The following LY75 variants were observed in gnomAD, a reference collection of about 807,000 sequenced individuals.
LY75 encodes lymphocyte antigen 75.
In LY75, 185 loss-of-function variants were observed where a neutral mutation model predicts 231.7. The ratio of observed to expected loss-of-function variants is 0.80; its 90% CI spans 0.71 to 0.90. The LOEUF is 0.90. Ranked by LOEUF, LY75 falls within the 40% of genes least tolerant of loss-of-function variation. LY75 has a pLI of 0.00. For synonymous variants in LY75, 668 were observed against 689.0 expected, an observed-to-expected ratio of 0.97 and a Z score of 0.48; for missense variants, 1,947 against 2,050.2, an observed-to-expected ratio of 0.95 and a Z score of 0.97.
intron 2 of LY75, among the ~76,000 whole-genome samples, chr2:159,897,287 C>T (rs1432184062): frequency 6.6e-6 from 1 of 152,106 alleles, no homozygotes; most frequent in Non-Finnish European, 1.5e-5. Flanking sequence ...CAAGTTAAAT[C>T]CAATTAAAAG....
rs958994197 is a variant in LY75, at chr2:159,803,999, T to C, written c.*1045A>G. 5.3e-5 allele frequency: 8 copies of C among 152,210 alleles called. No homozygotes were observed. Among genetic ancestry groups the C allele is most frequent in the African/African-American group, 1.9e-4 (8 of 41,436 alleles). 9.4% of individuals were successfully genotyped at this position (152,210 alleles called of 1,614,324 possible). A position where few individuals can be genotyped will look rare whatever the true frequency, so the allele number is the denominator to read the frequency against. On this transcript the variant is annotated 3_prime_UTR_variant, in exon 35 of 35. Transcript: ENST00000263636. ...CTTTACAAAAGAAACAGTCATGTAA[T>C]ACATCAGAAAATGCAAAGCACACTG...
chr2:159,827,504 T>C (rs1030926118), intron 28 of LY75, among the ~76,000 whole-genome samples: 1 of 152,200 alleles, frequency 6.6e-6, no homozygotes, highest in African/African-American at 2.4e-5. Flanking sequence ...TTTTACACTG[T>C]TGGTGGGACT....
chr2:159,834,079 G>T lies in LY75; in HGVS notation c.3806C>A (p.Thr1269Lys). ...GCATTTAGTATGAACTTCATCCTGT[G>T]TTGTTGCCATATGCCTATTCTTTGT... ...IITKNRHMAT[T>K]QDEVHTKCQK... is the part of the protein sequence containing the mutation. The change falls in exon 27 of 35, where the codon ACA becomes AAA. Residue 1269 changes from threonine to lysine, a missense_variant. Transcript: ENST00000263636. 6.2e-7 allele frequency: 1 copy of T among 1,613,860 alleles called. No individual in the cohort carries two copies. The highest frequency in any genetic ancestry group is 8.5e-7 in the Non-Finnish European group (1 of 1,179,908).
intron 33 of LY75, 135 bp from the exon 34 acceptor site, chr2:159,807,275 G>GA (rs924284887): frequency 5.4e-6 from 6 of 1,105,182 alleles, no homozygotes; most frequent in South Asian, 3.7e-5. Flanking sequence ...CATTAAAAAT[G>GA]AAAAAAATAA....
chr2:159,866,078 C>CAT (rs1302510363), intron 13 of LY75, among the ~76,000 whole-genome samples: 1 of 151,938 alleles, frequency 6.6e-6, no homozygotes, highest in African/African-American at 2.4e-5. Context: ...TGTGTGTATA[C>CAT]ATATATATAA....
intron 8 of LY75, among the ~76,000 whole-genome samples, chr2:159,879,673 C>T (rs1200474256): frequency 6.6e-6 from 1 of 152,134 alleles, no homozygotes; most frequent in Non-Finnish European, 1.5e-5. Context: ...ACTCAGCCCA[C>T]AGTTCCAGCA....
intron 13 of LY75, among the ~76,000 whole-genome samples, chr2:159,865,564 G>T (rs55804467): frequency 0.24 from 36,625 of 152,034 alleles, 5,831 homozygotes; most frequent in Non-Finnish European, 0.36. Context: ...ATATGAAATA[G>T]AGAGATAAGA....
intron 1 of LY75, among the ~76,000 whole-genome samples, chr2:159,902,039 T>A (rs1459387980): frequency 1.3e-5 from 2 of 152,218 alleles, no homozygotes. Flanking sequence ...AATCCCTTAT[T>A]TAGAAAATTT....
At chr2:159,848,068 GTATATA>G (rs557189751) in intron 23 of LY75, among the ~76,000 whole-genome samples, 43 of 123,904 alleles carry the variant, frequency 3.5e-4, no homozygotes, top group African/African-American at 4.8e-4. Context: ...ATTATGGTGT[GTATATA>G]TATATATATA....
intron 25 of LY75, among the ~76,000 whole-genome samples, chr2:159,840,487 G>A (rs922936204): frequency 2.0e-5 from 3 of 151,928 alleles, no homozygotes; most frequent in Admixed American, 6.6e-5. Context: ...TGGGAGGATC[G>A]CTTGAGCCCG....
intron 19 of LY75, 115 bp from the exon 20 acceptor site, chr2:159,853,467 C>G: frequency 2.0e-6 from 3 of 1,466,268 alleles, no homozygotes; most frequent in Non-Finnish European, 2.8e-6. Context: ...TACTCTATAC[C>G]CCTTTTTTCT....
intron 23 of LY75, among the ~76,000 whole-genome samples, chr2:159,844,916 G>GT (rs1177124153): frequency 2.0e-5 from 3 of 151,582 alleles, no homozygotes; most frequent in Non-Finnish European, 4.4e-5. Flanking sequence ...TTCAACCCAG[G>GT]TCCCCCTCCC....
intron 2 of LY75, 145 bp from the exon 3 acceptor site, chr2:159,894,229 G>A: frequency 1.9e-6 from 2 of 1,042,696 alleles, no homozygotes; most frequent in Non-Finnish European, 2.7e-6. Context: ...GGTGCTGTCA[G>A]GTCTGGATAT....
At position 159,878,705 on chromosome 2, in the gene LY75, C is replaced by T. The variant is rs755054530; in HGVS notation, c.1532G>A (p.Gly511Glu). The T allele has an allele frequency of 6.2e-7, 1 of 1,613,954 alleles. No homozygotes were observed. The highest frequency in any genetic ancestry group is 8.5e-7 in the Non-Finnish European group (1 of 1,179,914). ...CPPDEGWKRH[G>E]ETCYKIYEDE... ...CTCATAAATCTTGTAACAGGTTTCTCCATGTCTCTTCCAGCCCTAAGTCAG... is the reference window on the plus strand; with the variant it reads ...CTCATAAATCTTGTAACAGGTTTCTTCATGTCTCTTCCAGCCCTAAGTCAG... Residue 511 changes from glycine (G) to glutamate (E), a missense_variant, in exon 10 of 35, where the codon GGA becomes GAA. By Grantham distance (98) the Gly-to-Glu change is moderately conservative. Transcript: ENST00000263636.
Position 159,864,905 on chromosome 2 carries a change from C to T in LY75, c.2133G>A (p.Leu711=), listed in dbSNP as rs1475538236. ...LTDQFSGQHW[L]WIGLNKRSPD... is the part of the protein sequence containing the mutation. The stretch of plus-strand genomic sequence containing the variant: ...GGCTCCTTTTATTCAAACCAATCCA[C>T]AGCCAATGCTGGCCACTATGTAAAA... The change falls in exon 14 of 35, where the codon CTG becomes CTA. Residue 711 remains leucine (L), a synonymous_variant. Transcript: ENST00000263636. 1 of 1,602,772 alleles carries T rather than the reference C, an allele frequency of 6.2e-7. No individual in the cohort carries two copies.
chr2:159,814,997 C>CT (rs3035627), intron 31 of LY75, among the ~76,000 whole-genome samples: 6,843 of 111,394 alleles, frequency 0.061, 455 homozygotes, highest in African/African-American at 0.12. Flanking sequence ...GTGAATACAT[C>CT]TTTTTTTTTT....
chr2:159,817,690 G>A (rs537942896), intron 29 of LY75, among the ~76,000 whole-genome samples: 1 of 152,260 alleles, frequency 6.6e-6, no homozygotes, highest in South Asian at 2.1e-4. Flanking sequence ...GTATGGAAGT[G>A]CTACAAACAA....
intron 29 of LY75, among the ~76,000 whole-genome samples, chr2:159,818,996 C>A (rs1379210495): frequency 6.6e-6 from 1 of 152,144 alleles, no homozygotes; most frequent in Non-Finnish European, 1.5e-5. Flanking sequence ...GGGATAGAGA[C>A]TAAGTTTCTA....
rs1560080782 is a variant in LY75 at position 159,850,470 on chromosome 2, GCAAA to G, written c.2884-7_2884-4del. ...ACGGGTTTGATCTTTAGAAAACACT[GCAAA>G]CAAAGACATATGTGAAGCATGAGAT... On this transcript the variant is annotated splice_polypyrimidine_tract_variant and splice_region_variant and intron_variant, in intron 21 of 34. Coordinates refer to ENST00000263636, the MANE Select transcript of LY75 (RefSeq NM_002349.4). The G allele has an allele frequency of 6.2e-7, 1 of 1,613,184 alleles. No individual in the cohort carries two copies. Among genetic ancestry groups the G allele is most frequent in the Non-Finnish European group, 8.5e-7 (1 of 1,179,474 alleles).
Sources: allele counts gnomAD v4.1 joint callset (sites outside exome capture counted in the v4.1 genomes callset), GRCh38; gene constraint gnomAD v4.1.1; transcripts MANE v1.5; gene names NCBI Gene and HGNC (gene_info 2026-07-23, HGNC 2026-07-21).